TMCC1: variants seen among roughly 807,000 people sequenced by gnomAD.
The protein encoded by TMCC1 is transmembrane and coiled-coil domain family 1.
A neutral mutation model predicts 52.4 loss-of-function variants in TMCC1; 15 were observed. The observed-to-expected ratio is 0.29, with a 90% confidence interval of 0.19 to 0.44. The LOEUF is 0.44. Ranked by LOEUF, TMCC1 falls within the 20% of genes least tolerant of loss-of-function variation. The probability of loss-of-function intolerance (pLI) is 1.00; values close to 1 mark genes in which losing one functional copy is unlikely to be tolerated. For missense variants in TMCC1, 503 were observed against 806.0 expected (o/e 0.62, Z 4.55); for synonymous variants, 279 against 301.9 (o/e 0.92, Z 0.79).
Position 129,828,601 on chromosome 3 carries a change from T to C in TMCC1, c.-130-93A>G. ...TCCAGTGTTAAAACAAAGAAAAACA[T>C]GCTACTGGCCAAACAAATAGGCACT... is the stretch of plus-strand genomic sequence containing the variant. On this transcript the variant is annotated intron_variant, in intron 3 of 6. Transcript: ENST00000393238. This position sits in a 1 kb window ranked among gnomAD's most constrained non-coding sequence, Gnocchi z 4.1. The C allele has an allele frequency of 2.1e-6, 1 of 483,454 alleles. No individual in the cohort carries two copies. Among genetic ancestry groups the C allele is most frequent in the Non-Finnish European group, 3.6e-6 (1 of 276,380 alleles). 29.9% of individuals were successfully genotyped at this position (483,454 alleles called of 1,614,324 possible).
chr3:129,703,797 GT>G (rs1308026091), intron 4 of TMCC1, among the ~76,000 whole-genome samples: 2 of 152,176 alleles, frequency 1.3e-5, no homozygotes, highest in African/African-American at 4.8e-5. Flanking sequence ...GAAGTTTAGG[GT>G]AAAGAAAATG....
intron 2 of TMCC1, among the ~76,000 whole-genome samples, chr3:129,859,372 G>A (rs910320836): frequency 2.2e-4 from 34 of 152,082 alleles, no homozygotes; most frequent in African/African-American, 7.2e-4. Context: ...GATAGCTCAC[G>A]CGTTATCCCA....
chr3:129,736,529 T>C lies in TMCC1; in HGVS notation c.577-65265A>G, dbSNP rs193110353. Among the ~76,000 whole-genome samples, 65 of 151,518 alleles carry C rather than the reference T, an allele frequency of 4.3e-4. 1 individual carries two copies. The highest frequency in any genetic ancestry group is 3.7e-3 in the Admixed American group (56 of 15,232). On this transcript the variant is annotated intron_variant, in intron 4 of 6. Coordinates refer to ENST00000393238, the MANE Select transcript of TMCC1 (RefSeq NM_001017395.5). ...GACAATTATTATTTTCTTTTCTTTT[T>C]TTTTTTTTTTGAGATGGAGTCTAGC...
chr3:129,856,770 G>A (rs1223081457), intron 2 of TMCC1, among the ~76,000 whole-genome samples: 1 of 152,140 alleles, frequency 6.6e-6, no homozygotes, highest in African/African-American at 2.4e-5. Context: ...AAAACATGTA[G>A]ATGAGGTACT....
intron 3 of TMCC1, among the ~76,000 whole-genome samples, chr3:129,829,481 G>A (rs1004313813): frequency 1.5e-4 from 23 of 150,738 alleles, no homozygotes; most frequent in East Asian, 1.9e-4. Flanking sequence ...AAAGGGAGGG[G>A]GGGATGGGAG....
Position 129,726,394 on chromosome 3 carries a change from C to G in TMCC1, c.577-55130G>C, listed in dbSNP as rs200893509. 0.017 allele frequency among the ~76,000 whole-genome samples: 85 copies of G among 4,898 alleles called. 2 individuals carry two copies. In the South Asian group the frequency reaches 0.39, roughly 23 times the overall value. 3.2% of individuals were successfully genotyped at this position (4,898 alleles called of 152,430 possible). ...ACTATTTCTCAACATTAAAACAAAA[C>G]AAACAAATAAAAACTTTACATCCTC... On this transcript the variant is annotated intron_variant, in intron 4 of 6. Coordinates refer to ENST00000393238, the MANE Select transcript of TMCC1 (RefSeq NM_001017395.5).
intron 4 of TMCC1, among the ~76,000 whole-genome samples, chr3:129,776,822 A>G (rs2055075825): frequency 1.3e-5 from 2 of 151,950 alleles, no homozygotes; most frequent in Non-Finnish European, 2.9e-5. Context: ...TTTTGTAGAG[A>G]TGGGTTCTCA....
intron 4 of TMCC1, among the ~76,000 whole-genome samples, chr3:129,826,547 C>G (rs748731981): frequency 6.6e-6 from 1 of 151,930 alleles, no homozygotes; most frequent in African/African-American, 2.4e-5. Context: ...ATATGTGGTA[C>G]TTTTCCCCAT....
chr3:129,869,079 T>TG (rs1200289239), intron 2 of TMCC1: 2 of 152,032 alleles, frequency 1.3e-5, no homozygotes, highest in Admixed American at 1.3e-4. Flanking sequence ...AGGTGACTCT[T>TG]GGTGGGCCTC....
At chr3:129,790,794 GGTAA>G (rs1403584545) in intron 4 of TMCC1, among the ~76,000 whole-genome samples, 2 of 152,056 alleles carry the variant, frequency 1.3e-5, no homozygotes, top group African/African-American at 4.8e-5. Context: ...ACTGCATGTA[GGTAA>G]GTTTCAACTT....
intron 4 of TMCC1, among the ~76,000 whole-genome samples, chr3:129,744,324 T>G (rs2051732823): frequency 6.6e-6 from 1 of 152,192 alleles, no homozygotes; most frequent in Admixed American, 6.5e-5. Flanking sequence ...TCTAGTTTTA[T>G]TTTTAATATA....
At chr3:129,759,066 G>C (rs1219913333) in intron 4 of TMCC1, among the ~76,000 whole-genome samples, 1 of 152,122 alleles carries the variant, frequency 6.6e-6, no homozygotes, top group African/African-American at 2.4e-5. Flanking sequence ...TTGTCTACCA[G>C]CAGATATCTG....
chr3:129,825,632 T>C (rs889170318), intron 4 of TMCC1, among the ~76,000 whole-genome samples: 19 of 151,804 alleles, frequency 1.3e-4, no homozygotes, highest in African/African-American at 3.9e-4. Flanking sequence ...TCAACAACAG[T>C]TGAATCAACA....
chr3:129,829,847 C>T (rs1033212068), intron 3 of TMCC1, among the ~76,000 whole-genome samples: 3 of 152,180 alleles, frequency 2.0e-5, no homozygotes, highest in African/African-American at 7.2e-5. Flanking sequence ...TGCAAACTCA[C>T]TAAAGTTTTG....
intron 4 of TMCC1, among the ~76,000 whole-genome samples, chr3:129,696,523 T>C (rs1442028566): frequency 3.9e-5 from 6 of 152,230 alleles, no homozygotes; most frequent in Admixed American, 3.9e-4. Context: ...TGGCTCAGAA[T>C]AAATCTATTC....
chr3:129,729,996 TAAAA>T (rs368622320), intron 4 of TMCC1, among the ~76,000 whole-genome samples: 1 of 151,852 alleles, frequency 6.6e-6, no homozygotes, highest in Non-Finnish European at 1.5e-5. Context: ...ATAAATAAAA[TAAAA>T]AAATAGAAAA....
At chr3:129,750,752 T>G (rs948014162) in intron 4 of TMCC1, among the ~76,000 whole-genome samples, 1 of 150,668 alleles carries the variant, frequency 6.6e-6, no homozygotes, top group Non-Finnish European at 1.5e-5. Flanking sequence ...TTTTTTTGTA[T>G]TTTTAGTAGA....
At chr3:129,687,042 C>A (rs935979661) in intron 4 of TMCC1, among the ~76,000 whole-genome samples, 2 of 152,024 alleles carry the variant, frequency 1.3e-5, no homozygotes, top group Non-Finnish European at 2.9e-5. Context: ...AAAAGGCTTA[C>A]GGAAGGAACA....
At chr3:129,840,642 CCT>C (rs796782680) in intron 2 of TMCC1, among the ~76,000 whole-genome samples, 10 of 152,172 alleles carry the variant, frequency 6.6e-5, no homozygotes, top group Non-Finnish European at 7.4e-5. Flanking sequence ...GTGGTTTCCC[CCT>C]GTTCTTGTGA....
Sources: gnomAD v4.1 joint callset for allele counts (sites outside exome capture counted in the v4.1 genomes callset) on GRCh38, gnomAD v4.1.1 for gene constraint, Gnocchi (gnomAD v3.1) non-coding constraint, MANE v1.5 for transcripts, NCBI Gene and HGNC (gene_info 2026-07-23, HGNC 2026-07-21) for gene names.